NCAM1: variants seen among roughly 807,000 people sequenced by gnomAD.
NCAM1 encodes the protein antigen recognized by monoclonal antibody 5.1H11.
A neutral mutation model predicts 109.8 loss-of-function variants in NCAM1; 14 were observed. That is an observed-to-expected ratio of 0.13 (90% CI 0.08 to 0.20). The LOEUF (loss-of-function observed/expected upper bound fraction) is 0.20. Ranked by LOEUF, NCAM1 falls within the 10% of genes least tolerant of loss-of-function variation. NCAM1 has a pLI of 1.00. For synonymous variants in NCAM1, 418 were observed against 442.9 expected, an observed-to-expected ratio of 0.94 and a Z score of 0.70; for missense variants, 774 against 1,109.9, an observed-to-expected ratio of 0.70 and a Z score of 4.30.
intron 7 of NCAM1, among the ~76,000 whole-genome samples, chr11:113,210,294 G>A (rs549646908): frequency 3.0e-4 from 46 of 152,074 alleles, no homozygotes; most frequent in Non-Finnish European, 5.1e-4. Flanking sequence ...TCCTCATCAC[G>A]CCCCTATGAT....
rs560214539 is a variant in NCAM1 at position 113,205,673 on chromosome 11, C to G, written c.490+7C>G. 7.4e-6 allele frequency: 12 copies of G among 1,611,418 alleles called. No homozygotes were observed. The African/African-American group carries it at 1.5e-4, about 20-fold the overall frequency. On this transcript the variant is annotated splice_region_variant and intron_variant, in intron 4 of 19. Coordinates refer to ENST00000316851, the MANE Select transcript of NCAM1 (RefSeq NM_181351.5). ...GTCATCCTGAAAAAAGATGGTGAGA[C>G]CTGAATTTCCTGGCATCTGCCTTTT...
intron 1 of NCAM1, among the ~76,000 whole-genome samples, chr11:113,023,367 A>T (rs1471412331): frequency 6.6e-6 from 1 of 152,208 alleles, no homozygotes; most frequent in East Asian, 1.9e-4. Flanking sequence ...AACGGAAATG[A>T]TTAAATGCCA....
At chr11:113,033,990 T>C (rs1201470882) in intron 1 of NCAM1, among the ~76,000 whole-genome samples, 4 of 152,236 alleles carry the variant, frequency 2.6e-5, no homozygotes, top group African/African-American at 9.6e-5. Flanking sequence ...ACTTGCAATT[T>C]ATTCTGATTT....
intron 1 of NCAM1, among the ~76,000 whole-genome samples, chr11:113,037,363 C>T (rs782295996): frequency 1.3e-5 from 2 of 152,150 alleles, no homozygotes; most frequent in Non-Finnish European, 2.9e-5. Context: ...GCCCAGGCAG[C>T]CTGGGGTCTG....
In NCAM1 at chr11:113,038,626, A is replaced by G. The variant is rs568676398; in HGVS notation, c.52+76962A>G. 3.3e-5 allele frequency among the ~76,000 whole-genome samples: 5 copies of G among 152,362 alleles called. No individual in the cohort carries two copies. The South Asian group carries it at 1.0e-3, about 32-fold the overall frequency. ...AATTTGGTGATGGGTAGTTGAAGAC[A>G]TGACAGAGAGACGGTGCTGTGGAGG... On this transcript the variant is annotated intron_variant, in intron 1 of 19. Transcript: ENST00000316851.
At position 113,231,691 on chromosome 11, in the gene NCAM1, C is replaced by T. The variant is rs1459898828; in HGVS notation, c.1136C>T (p.Ser379Leu). Reference sequence around the variant, plus strand: ...GTGCGTAGCCATGCCCGTGTGTCGTCGCTGACCCTGAAGAGCATCCAGTAC... The same window carrying T: ...GTGCGTAGCCATGCCCGTGTGTCGTTGCTGACCCTGAAGAGCATCCAGTAC... ...MVVRSHARVSSLTLKSIQYTD... is the reference protein window; with the variant it reads ...MVVRSHARVSLLTLKSIQYTD... Residue 379 changes from serine to leucine, a missense_variant, in exon 10 of 20, where the codon TCG becomes TTG. Physicochemically the swap from Ser to Leu is moderately radical, Grantham distance 145 (BLOSUM62 -2). Transcript: ENST00000316851. 5.0e-6 allele frequency: 8 copies of T among 1,613,802 alleles called. No homozygotes were observed. Among genetic ancestry groups the T allele is most frequent in the Admixed American group, 1.7e-5 (1 of 60,010 alleles).
chr11:113,081,690 C>A (rs184303589), intron 1 of NCAM1, among the ~76,000 whole-genome samples: 1 of 152,112 alleles, frequency 6.6e-6, no homozygotes, highest in African/African-American at 2.4e-5. Context: ...TCCACCACCA[C>A]ACCCAGCTAA....
At chr11:113,211,852 G>A (rs1944399297) in intron 7 of NCAM1, among the ~76,000 whole-genome samples, 1 of 152,188 alleles carries the variant, frequency 6.6e-6, no homozygotes, top group African/African-American at 2.4e-5. Context: ...GCCTCTTAGT[G>A]GCAAGCATTC....
At position 113,195,912 on chromosome 11, in the gene NCAM1, T is replaced by G. The variant is rs548424312; in HGVS notation, c.53-6467T>G. ...TTGGGAATTTTGTTTGTTTGCAGGG[T>G]GTGTGTGTGTGTGTGTGTGTGTGTG... On this transcript the variant is annotated intron_variant, in intron 1 of 19. Transcript: ENST00000316851. Among the ~76,000 whole-genome samples the G allele has an allele frequency of 2.8e-4, 33 of 117,984 alleles. No homozygotes were observed. The East Asian group carries it at 2.8e-3, about 10-fold the overall frequency. The allele number at this position is 117,984 out of a possible 152,430, so 77.4% of individuals were successfully genotyped here.
chr11:113,275,447 C>T lies in NCAM1; in HGVS notation c.*60C>T. On this transcript the variant is annotated 3_prime_UTR_variant, in exon 20 of 20. Transcript: ENST00000316851. ...AAGTGACACAGCAGCTTCACCAGAG[C>T]ATTTCCAACACCACAGACACACACA... 1 of 1,568,462 alleles carries T rather than the reference C, an allele frequency of 6.4e-7. No homozygotes were observed. The highest frequency in any genetic ancestry group is 8.7e-7 in the Non-Finnish European group (1 of 1,154,800).
At chr11:113,272,911 T>C (rs1555125768) in intron 19 of NCAM1, 1 of 456,732 alleles carries the variant, frequency 2.2e-6, no homozygotes, top group Non-Finnish European at 4.4e-6. Flanking sequence ...TCTATTCTCT[T>C]CTACTTCCTG....
intron 1 of NCAM1, among the ~76,000 whole-genome samples, chr11:113,179,906 C>A (rs1943280809): frequency 1.3e-5 from 2 of 152,142 alleles, no homozygotes; most frequent in South Asian, 4.1e-4. Context: ...GGGAAGGATT[C>A]AACTCATTAA....
At chr11:113,124,279 A>G (rs1941088954) in intron 1 of NCAM1, among the ~76,000 whole-genome samples, 1 of 152,068 alleles carries the variant, frequency 6.6e-6, no homozygotes, top group Admixed American at 6.6e-5. Flanking sequence ...CATCTCCCTA[A>G]GCTTTTCCGG....
intron 1 of NCAM1, among the ~76,000 whole-genome samples, chr11:113,142,288 G>C (rs1230258222): frequency 2.6e-5 from 4 of 152,110 alleles, no homozygotes; most frequent in African/African-American, 9.7e-5. Flanking sequence ...ACATGAGCAG[G>C]CTTTTTGACA....
At chr11:112,983,155 A>G (rs1186314643) in intron 1 of NCAM1, among the ~76,000 whole-genome samples, 2 of 152,006 alleles carry the variant, frequency 1.3e-5, no homozygotes, top group African/African-American at 4.8e-5. Flanking sequence ...ACTGCTTTCA[A>G]TTCTTATTCT....
chr11:112,983,763 AC>A (rs1306087534), intron 1 of NCAM1, among the ~76,000 whole-genome samples: 1 of 152,032 alleles, frequency 6.6e-6, no homozygotes, highest in Non-Finnish European at 1.5e-5. Flanking sequence ...TTATTTATTT[AC>A]TTTTTTAATA....
At chr11:113,103,360 T>C (rs1939961643) in intron 1 of NCAM1, among the ~76,000 whole-genome samples, 1 of 152,244 alleles carries the variant, frequency 6.6e-6, no homozygotes, top group Non-Finnish European at 1.5e-5. Flanking sequence ...GGATTCCTTT[T>C]CCTTTTTGTA....
chr11:113,075,055 GTGT>G (rs782092600), intron 1 of NCAM1, among the ~76,000 whole-genome samples: 12 of 152,100 alleles, frequency 7.9e-5, no homozygotes, highest in East Asian at 5.8e-4. Flanking sequence ...GCCCCGCTCT[GTGT>G]TGTTGTTGTT....
In NCAM1 at chr11:113,106,597, A is replaced by G. The variant is rs145411627; in HGVS notation, c.53-95782A>G. Among the ~76,000 whole-genome samples the G allele has an allele frequency of 3.3e-4, 51 of 152,364 alleles. 1 individual carries two copies. The East Asian group carries it at 9.8e-3, about 29-fold the overall frequency. On this transcript the variant is annotated intron_variant, in intron 1 of 19. Transcript: ENST00000316851. ...CTTCCACTAAGACAAAACAAAGATC[A>G]GGTGGCCTATAAGATTTCTTCAGCC...
Sources: allele counts gnomAD v4.1 joint callset (sites outside exome capture counted in the v4.1 genomes callset), GRCh38; gene constraint gnomAD v4.1.1; transcripts MANE v1.5; gene names NCBI Gene and HGNC (gene_info 2026-07-23, HGNC 2026-07-21).